Variants in PDIA3 observed in about 807,000 individuals in gnomAD.
The protein encoded by PDIA3 is protein disulfide-isomerase A3.
A neutral mutation model predicts 56.9 loss-of-function variants in PDIA3; 16 were observed. The ratio of observed to expected loss-of-function variants is 0.28; its 90% CI spans 0.19 to 0.43. The LOEUF (loss-of-function observed/expected upper bound fraction) is 0.43, where lower values mean the gene tolerates loss of function less well. Ranked by LOEUF, PDIA3 falls within the 20% of genes least tolerant of loss-of-function variation. PDIA3 has a pLI of 1.00. For synonymous variants in PDIA3, 192 were observed against 216.5 expected, an observed-to-expected ratio of 0.89 and a Z score of 0.99; for missense variants, 485 against 621.3, an observed-to-expected ratio of 0.78 and a Z score of 2.33.
chr15:43,769,673 A>G (rs769100801), intron 10 of PDIA3, 27 bp downstream of exon 10: 1 of 1,610,442 alleles, frequency 6.2e-7, no homozygotes, highest in East Asian at 2.2e-5. Context: ...TTCTGAGGAT[A>G]ACATTTGAGC....
chr15:43,765,434 CTTTTT>C lies in PDIA3; in HGVS notation c.603-8_603-4del. ...CTGCTATCTGCCTACTGAGACTTTT[CTTTTT>C]TTTTTTTAAGGGGTATCATCTTATT... On this transcript the variant is annotated splice_polypyrimidine_tract_variant and intron_variant, in intron 5 of 12. Transcript: ENST00000300289. 1 of 1,185,632 alleles carries C rather than the reference CTTTTT, an allele frequency of 8.4e-7. No individual in the cohort carries two copies. The highest frequency in any genetic ancestry group is 1.2e-6 in the Non-Finnish European group (1 of 832,858). The allele number at this position is 1,185,632 out of a possible 1,614,324, so 73.4% of individuals were successfully genotyped here. A position where few individuals can be genotyped will look rare whatever the true frequency, so the allele number is the denominator to read the frequency against.
Position 43,761,553 on chromosome 15 carries a change from G to A in PDIA3, c.472+22G>A, listed in dbSNP as rs760004755. 1.4e-5 allele frequency: 17 copies of A among 1,213,866 alleles called. 1 individual carries two copies. Among genetic ancestry groups the A allele is most frequent in the South Asian group, 7.6e-5 (6 of 79,406 alleles). The allele number at this position is 1,213,866 out of a possible 1,614,324, so 75.2% of individuals were successfully genotyped here. A position where few individuals can be genotyped will look rare whatever the true frequency, so the allele number is the denominator to read the frequency against. On this transcript the variant is annotated intron_variant, in intron 4 of 12. Coordinates refer to ENST00000300289, the MANE Select transcript of PDIA3 (RefSeq NM_005313.5). Reference sequence around the variant, plus strand: ...GTAGGTAAGTAGCAAATATTAAACCGTGCCACAGAATTGTCAGTTTGGTTT... The same window carrying A: ...GTAGGTAAGTAGCAAATATTAAACCATGCCACAGAATTGTCAGTTTGGTTT...
chr15:43,768,373 C>A, intron 8 of PDIA3, 116 bp from the exon 9 acceptor site: 1 of 651,328 alleles, frequency 1.5e-6, no homozygotes, highest in Non-Finnish European at 2.8e-6. Context: ...AGATGAGAGT[C>A]CCCCTTTTTT....
At chr15:43,770,475 T>A in intron 11 of PDIA3, 48 bp from the exon 12 acceptor site, 1 of 1,452,564 alleles carries the variant, frequency 6.9e-7, no homozygotes, top group Non-Finnish European at 9.7e-7. Flanking sequence ...AGTTCTGCAG[T>A]ATGGGCCCAC....
chr15:43,761,335 G>T (rs1724212987), intron 3 of PDIA3, 89 bp from the exon 4 acceptor site: 2 of 662,610 alleles, frequency 3.0e-6, no homozygotes, highest in Admixed American at 2.6e-5. Context: ...ATACCCTTTT[G>T]TACCTTCTGA....
chr15:43,762,116 T>G (rs1279000058), intron 4 of PDIA3, among the ~76,000 whole-genome samples: 1 of 152,190 alleles, frequency 6.6e-6, no homozygotes, highest in East Asian at 1.9e-4. Context: ...AGATGTTCAT[T>G]GTTTTGTTTT....
At position 43,765,969 on chromosome 15, in the gene PDIA3, G is replaced by A; in HGVS notation, c.802G>A (p.Asp268Asn). The change falls in exon 7 of 13, where the codon GAC (aspartate) becomes AAC (asparagine). Residue 268 changes from aspartate (D) to asparagine (N), a missense_variant. Asp to Asn is a conservative substitution (Grantham distance 23). Transcript: ENST00000300289. ...CTTACTTATTGCTTACTATGATGTGGACTATGAAAAGAACGCTAAAGGTTC... is the reference window on the plus strand; with the variant it reads ...CTTACTTATTGCTTACTATGATGTGAACTATGAAAAGAACGCTAAAGGTTC... ...KDLLIAYYDV[D>N]YEKNAKGSNY... The A allele has an allele frequency of 6.2e-7, 1 of 1,613,478 alleles. No homozygotes were observed.
chr15:43,765,508 G>T lies in PDIA3; in HGVS notation c.661G>T (p.Ala221Ser). ...TAACAAGTTTGAGGACAAGACTGTG[G>T]CATATACAGAGCAAAAAATGACCAG... The part of the protein sequence containing the change: ...LTNKFEDKTV[A>S]YTEQKMTSGK... The change falls in exon 6 of 13, where the codon GCA becomes TCA. Residue 221 changes from alanine to serine, a missense_variant. Physicochemically the swap from Ala to Ser is moderately conservative, Grantham distance 99. Transcript: ENST00000300289. 6.2e-7 allele frequency: 1 copy of T among 1,613,234 alleles called. No homozygotes were observed. The highest frequency in any genetic ancestry group is 8.5e-7 in the Non-Finnish European group (1 of 1,179,434).
At chr15:43,768,131 C>T (rs1343888082) in intron 8 of PDIA3, among the ~76,000 whole-genome samples, 1 of 152,150 alleles carries the variant, frequency 6.6e-6, no homozygotes, top group East Asian at 1.9e-4. Context: ...TTTACCCTCA[C>T]TTTCTGAGAT....
rs1198877458 is a variant in PDIA3, at chr15:43,756,732, A to G, written c.330A>G (p.Glu110=). 6.2e-7 allele frequency: 1 copy of G among 1,607,480 alleles called. No individual in the cohort carries two copies. The highest frequency in any genetic ancestry group is 8.5e-7 in the Non-Finnish European group (1 of 1,175,518). The part of the protein sequence containing the change: ...YPTLKIFRDG[E]EAGAYDGPRT... ...CCCTGAAGATATTTAGAGATGGTGAAGAAGCAGGTGCTTATGATGGACCTA... is the reference window on the plus strand; with the variant it reads ...CCCTGAAGATATTTAGAGATGGTGAGGAAGCAGGTGCTTATGATGGACCTA... The change falls in exon 3 of 13, where the codon GAA becomes GAG. Residue 110 remains glutamate (E), a synonymous_variant. Coordinates refer to ENST00000300289, the MANE Select transcript of PDIA3 (RefSeq NM_005313.5).
chr15:43,756,860 T>G (rs2086781528), intron 3 of PDIA3, 94 bp downstream of exon 3: 2 of 693,804 alleles, frequency 2.9e-6, no homozygotes, highest in African/African-American at 3.6e-5. Flanking sequence ...ACAGTATACT[T>G]TCAGTCTTAA....
Position 43,771,273 on chromosome 15 carries a change from C to T in PDIA3, c.*55C>T. On this transcript the variant is annotated 3_prime_UTR_variant, in exon 13 of 13. Transcript: ENST00000300289. ...GACTCTTCCATCAGAGATGGGAAAA[C>T]CATTGGGGAGGACTAGGACCCATAT... 8.7e-7 allele frequency: 1 copy of T among 1,147,896 alleles called. No individual in the cohort carries two copies. The highest frequency in any genetic ancestry group is 1.3e-6 in the Non-Finnish European group (1 of 768,694). The allele number at this position is 1,147,896 out of a possible 1,614,324, so 71.1% of individuals were successfully genotyped here.
Position 43,757,939 on chromosome 15 carries a change from T to A in PDIA3, c.364+1173T>A, listed in dbSNP as rs189065998. 8.1e-3 allele frequency among the ~76,000 whole-genome samples: 1,140 copies of A among 140,070 alleles called. 17 individuals are homozygous for A. Among genetic ancestry groups the A allele is most frequent in the East Asian group, 0.05 (243 of 4,900 alleles). 91.9% of individuals were successfully genotyped at this position (140,070 alleles called of 152,430 possible). A position where few individuals can be genotyped will look rare whatever the true frequency, so the allele number is the denominator to read the frequency against. ...CATACCCATTAGGATGGCTACTATT[T>A]AAAAAAAAAAAAACAACGAAATAGG... On this transcript the variant is annotated intron_variant, in intron 3 of 12. Transcript: ENST00000300289.
At chr15:43,750,105 G>T in intron 1 of PDIA3, among the ~76,000 whole-genome samples, 1 of 139,558 alleles carries the variant, frequency 7.2e-6, no homozygotes, top group Non-Finnish European at 1.5e-5. Flanking sequence ...GTCTCTCTCT[G>T]TTGCCAAGGC....
intron 3 of PDIA3, among the ~76,000 whole-genome samples, chr15:43,760,436 C>T (rs1192812795): frequency 1.3e-5 from 2 of 151,610 alleles, no homozygotes; most frequent in Non-Finnish European, 2.9e-5. Flanking sequence ...AACAAATGTC[C>T]ATCAGTTTTG....
rs1029206665 is a variant in PDIA3 at position 43,746,692 on chromosome 15, G to A, written c.153G>A (p.Glu51=). The A allele has an allele frequency of 1.2e-6, 2 of 1,612,858 alleles. No individual in the cohort carries two copies. Among genetic ancestry groups the A allele is most frequent in the African/African-American group, 2.7e-5 (2 of 74,940 alleles). ...GCTCTGCGGGCCTCATGCTCGTCGA[G>A]TTCTTCGCCCCCTGGTGAGTCCATT... ...DTGSAGLMLV[E]FFAPWCGHCK... The change falls in exon 1 of 13, where the codon GAG becomes GAA. Residue 51 remains glutamate, a synonymous_variant. Coordinates refer to ENST00000300289, the MANE Select transcript of PDIA3 (RefSeq NM_005313.5).
chr15:43,762,425 C>T (rs942100065), intron 4 of PDIA3, among the ~76,000 whole-genome samples: 2 of 151,290 alleles, frequency 1.3e-5, no homozygotes, highest in Admixed American at 6.6e-5. Context: ...GCAGGAGAAA[C>T]GCTTGAACCC....
chr15:43,749,153 G>T (rs1357594566), intron 1 of PDIA3, among the ~76,000 whole-genome samples: 1 of 151,796 alleles, frequency 6.6e-6, no homozygotes, highest in Non-Finnish European at 1.5e-5. Flanking sequence ...GAGTGCAGTG[G>T]CATGGTCTGG....
At chr15:43,759,262 C>T (rs971194085) in intron 3 of PDIA3, among the ~76,000 whole-genome samples, 1 of 152,042 alleles carries the variant, frequency 6.6e-6, no homozygotes, top group Non-Finnish European at 1.5e-5. Flanking sequence ...TGCAGTCTGG[C>T]CTGGGCGAAA....
Sources: allele counts gnomAD v4.1 joint callset (sites outside exome capture counted in the v4.1 genomes callset), GRCh38; gene constraint gnomAD v4.1.1; transcripts MANE v1.5; gene names NCBI Gene and HGNC (gene_info 2026-07-23, HGNC 2026-07-21).